GPR55: variants seen among roughly 807,000 people sequenced by gnomAD.
The protein encoded by GPR55 is G-protein coupled receptor 55.
A neutral mutation model predicts 7.9 loss-of-function variants in GPR55; 6 were observed. That is an observed-to-expected ratio of 0.76 (90% CI 0.41 to 1.49). GPR55 has a LOEUF of 1.49. GPR55 is among the 40% of genes most tolerant of loss of function. The pLI, the probability that GPR55 is intolerant of heterozygous loss-of-function variation, is 0.01. For missense variants in GPR55, 376 were observed against 406.0 expected, an observed-to-expected ratio of 0.93 and a Z score of 0.63; for synonymous variants, 183 against 166.8, an observed-to-expected ratio of 1.10 and a Z score of -0.75.
At chr2:230,935,142 C>T (rs755144773) in intron 1 of GPR55, among the ~76,000 whole-genome samples, 1 of 152,192 alleles carries the variant, frequency 6.6e-6, no homozygotes, top group Non-Finnish European at 1.5e-5. Flanking sequence ...TCAGCACCAT[C>T]GTGACCACAT....
At chr2:230,921,628 C>T (rs916114179) in intron 1 of GPR55, among the ~76,000 whole-genome samples, 3 of 152,254 alleles carry the variant, frequency 2.0e-5, no homozygotes, top group South Asian at 4.2e-4. Context: ...AAAACACAAA[C>T]GCAGTCACCA....
intron 1 of GPR55, among the ~76,000 whole-genome samples, chr2:230,930,648 C>A (rs1007176917): frequency 6.6e-6 from 1 of 151,878 alleles, no homozygotes; most frequent in Non-Finnish European, 1.5e-5. Context: ...AATACAAAGG[C>A]ATTGAGAGGT....
chr2:230,913,984 T>TA (rs1483820614), intron 1 of GPR55, among the ~76,000 whole-genome samples: 1 of 152,172 alleles, frequency 6.6e-6, no homozygotes, highest in Admixed American at 6.5e-5. Context: ...TGGGTCACAC[T>TA]AACCAATTAA....
intron 1 of GPR55, among the ~76,000 whole-genome samples, chr2:230,919,981 A>AG (rs1029570868): frequency 3.6e-5 from 5 of 139,954 alleles, no homozygotes; most frequent in Admixed American, 6.9e-5. Context: ...CCACGCATAG[A>AG]GGGGAAAAAA....
intron 1 of GPR55, among the ~76,000 whole-genome samples, chr2:230,951,940 AT>A (rs1275763360): frequency 7.0e-6 from 1 of 142,796 alleles, no homozygotes; most frequent in Non-Finnish European, 1.5e-5. Flanking sequence ...TTTTTTTTTA[AT>A]TTTTTTGCAG....
chr2:230,940,801 G>A (rs1017520068), intron 1 of GPR55, among the ~76,000 whole-genome samples: 8 of 152,150 alleles, frequency 5.3e-5, no homozygotes, highest in East Asian at 1.9e-4. Flanking sequence ...TGGCTGCACC[G>A]GGGCCTGCAG....
At chr2:230,916,567 C>T (rs1168073540) in intron 1 of GPR55, among the ~76,000 whole-genome samples, 1 of 151,514 alleles carries the variant, frequency 6.6e-6, no homozygotes, top group Non-Finnish European at 1.5e-5. Flanking sequence ...TAGAAAGAGA[C>T]AAGTTTTAAT....
intron 1 of GPR55, among the ~76,000 whole-genome samples, chr2:230,945,926 A>T (rs1691306234): frequency 6.6e-6 from 1 of 152,228 alleles, no homozygotes; most frequent in African/African-American, 2.4e-5. Context: ...GTTGCATTAA[A>T]AAGTGTCCTT....
intron 1 of GPR55, among the ~76,000 whole-genome samples, chr2:230,937,687 TG>T (rs1257798236): frequency 6.6e-6 from 1 of 152,012 alleles, no homozygotes; most frequent in Non-Finnish European, 1.5e-5. Context: ...TTTGTAGATT[TG>T]GGGTAAAAAT....
At chr2:230,941,001 C>T (rs1691217579) in intron 1 of GPR55, among the ~76,000 whole-genome samples, 1 of 152,114 alleles carries the variant, frequency 6.6e-6, no homozygotes, top group Admixed American at 6.5e-5. Flanking sequence ...CTTGTAGTCC[C>T]AGCTACTCAG....
chr2:230,932,725 C>T (rs1691068325), intron 1 of GPR55, among the ~76,000 whole-genome samples: 1 of 152,170 alleles, frequency 6.6e-6, no homozygotes, highest in South Asian at 2.1e-4. Flanking sequence ...CATCCTAAAC[C>T]AGGCCTCTCT....
chr2:230,914,201 T>A (rs1690658885), intron 1 of GPR55, among the ~76,000 whole-genome samples: 1 of 152,196 alleles, frequency 6.6e-6, no homozygotes, highest in Non-Finnish European at 1.5e-5. Flanking sequence ...GGGAGGAAAG[T>A]GATCTGACAG....
At chr2:230,915,571 G>C (rs897834557) in intron 1 of GPR55, among the ~76,000 whole-genome samples, 2 of 152,170 alleles carry the variant, frequency 1.3e-5, no homozygotes. Context: ...AGGTGGGGCT[G>C]AATTGAACCG....
intron 1 of GPR55, among the ~76,000 whole-genome samples, chr2:230,948,673 T>A (rs1691354403): frequency 6.6e-6 from 1 of 152,256 alleles, no homozygotes; most frequent in Non-Finnish European, 1.5e-5. Context: ...ATTATCCTTT[T>A]AAACCACATA....
intron 1 of GPR55, among the ~76,000 whole-genome samples, chr2:230,943,033 A>G (rs1574633282): frequency 6.8e-6 from 1 of 147,796 alleles, no homozygotes; most frequent in Admixed American, 7.0e-5. Context: ...AAGAGGAGAG[A>G]AGAGACGAGA....
intron 1 of GPR55, among the ~76,000 whole-genome samples, chr2:230,942,747 C>T (rs1691253467): frequency 6.6e-6 from 1 of 151,766 alleles, no homozygotes; most frequent in Non-Finnish European, 1.5e-5. Flanking sequence ...TGAGAAGGGC[C>T]CGATGGGGAG....
intron 1 of GPR55, among the ~76,000 whole-genome samples, chr2:230,947,307 T>A (rs1023625695): frequency 6.6e-6 from 1 of 152,158 alleles, no homozygotes; most frequent in Admixed American, 6.5e-5. Flanking sequence ...CAGCTGCACC[T>A]TGGACGTGCA....
intron 1 of GPR55, among the ~76,000 whole-genome samples, chr2:230,933,912 T>G (rs1158364561): frequency 1.3e-5 from 2 of 152,172 alleles, no homozygotes; most frequent in Admixed American, 1.3e-4. Flanking sequence ...GAGCTCAGCC[T>G]CTGAAGTTCT....
intron 1 of GPR55, among the ~76,000 whole-genome samples, chr2:230,930,734 G>A (rs556706425): frequency 1.6e-3 from 251 of 152,202 alleles, no homozygotes; most frequent in African/African-American, 5.8e-3. Context: ...CAAAATGTTG[G>A]AATTACAGGC....
Sources: gnomAD v4.1 joint callset for allele counts (sites outside exome capture counted in the v4.1 genomes callset) on GRCh38, gnomAD v4.1.1 for gene constraint, MANE v1.5 for transcripts, NCBI Gene and HGNC (gene_info 2026-07-23, HGNC 2026-07-21) for gene names.